SUN3: variants seen among roughly 807,000 people sequenced by gnomAD.
SUN3 encodes the protein Sad1 and UNC84 domain containing 3, also known as SUN domain-containing protein 3.
SUN3 carries 36 observed loss-of-function variants against 48.2 expected under a neutral mutation model. The observed-to-expected ratio is 0.75, with a 90% CI of 0.57 to 0.99. The LOEUF (loss-of-function observed/expected upper bound fraction) is 0.99, where lower values mean the gene tolerates loss of function less well. Among genes scored for constraint, SUN3 ranks in the 50% least tolerant of loss-of-function variants. The pLI, the probability that SUN3 is intolerant of heterozygous loss-of-function variation, is 0.00. For synonymous variants in SUN3, 148 were observed against 147.9 expected, an observed-to-expected ratio of 1.00 and a Z score of 0.00; for missense variants, 419 against 433.1, an observed-to-expected ratio of 0.97 and a Z score of 0.29.
intron 2 of SUN3, among the ~76,000 whole-genome samples, chr7:48,023,614 A>C (rs1188669737): frequency 6.6e-6 from 1 of 152,206 alleles, no homozygotes; most frequent in Non-Finnish European, 1.5e-5. Context: ...AAATGGATTA[A>C]ACTTTCCAAT....
chr7:48,028,972 T>C lies in SUN3; in HGVS notation c.-34A>G. ...ACCAAAGAACAAACAGCTGGTAGGATGAAGAGCAACATTTGTCCTCATTCC... is the reference window on the plus strand; with the variant it reads ...ACCAAAGAACAAACAGCTGGTAGGACGAAGAGCAACATTTGTCCTCATTCC... On this transcript the variant is annotated 5_prime_UTR_variant, in exon 1 of 10. Transcript: ENST00000297325. 1 of 1,613,154 alleles carries C rather than the reference T, an allele frequency of 6.2e-7. No individual in the cohort carries two copies. The highest frequency in any genetic ancestry group is 8.5e-7 in the Non-Finnish European group (1 of 1,179,566).
At chr7:47,993,093 T>A (rs527489368) in intron 8 of SUN3, among the ~76,000 whole-genome samples, 1 of 151,578 alleles carries the variant, frequency 6.6e-6, no homozygotes, top group African/African-American at 2.4e-5. Flanking sequence ...AAAAAAAAAA[T>A]GTAAAGCAAT....
At chr7:47,989,174 T>C (rs10279520) in intron 8 of SUN3, among the ~76,000 whole-genome samples, 7,242 of 152,306 alleles carry the variant, frequency 0.048, 578 homozygotes, top group African/African-American at 0.16. Flanking sequence ...GATAGATGAT[T>C]GACAAACAGC....
chr7:47,989,754 T>G (rs1443331402), intron 8 of SUN3, among the ~76,000 whole-genome samples: 1 of 152,246 alleles, frequency 6.6e-6, no homozygotes, highest in East Asian at 1.9e-4. Context: ...CATTTTGTTC[T>G]GTACTAAGAA....
Position 47,994,355 on chromosome 7 carries a change from G to C in SUN3, c.821C>G (p.Ser274Ter). The C allele has an allele frequency of 1.9e-6, 3 of 1,613,652 alleles. No homozygotes were observed. The highest frequency in any genetic ancestry group is 2.5e-6 in the Non-Finnish European group (3 of 1,179,886). The change falls in exon 8 of 10, where the codon TCA becomes TGA. Residue 274 changes from serine to a stop codon, truncating the protein, a stop_gained. Coordinates refer to ENST00000297325, the MANE Select transcript of SUN3 (RefSeq NM_001030019.2). LOFTEE classifies it high-confidence loss of function. ...CTTGGGTGCACTGGAGATGTTTCCT[G>C]ACGGAGACACCTTCTCTGAGATGTG... is the stretch of plus-strand genomic sequence containing the variant. ...MEHISEKVSPSGNISSAPKEF... is the reference protein window; with the variant it reads ...MEHISEKVSP
At chr7:48,013,177 T>A (rs1250515218) in intron 3 of SUN3, among the ~76,000 whole-genome samples, 1 of 152,162 alleles carries the variant, frequency 6.6e-6, no homozygotes, top group Non-Finnish European at 1.5e-5. Context: ...AAAATCTGGA[T>A]CCTCAGGGAG....
intron 8 of SUN3, among the ~76,000 whole-genome samples, chr7:47,990,317 G>A (rs1583738868): frequency 6.6e-6 from 1 of 152,168 alleles, no homozygotes; most frequent in South Asian, 2.1e-4. Flanking sequence ...TTATGTATAT[G>A]CACATCAAAA....
intron 2 of SUN3, among the ~76,000 whole-genome samples, chr7:48,024,015 T>G (rs942976055): frequency 6.6e-6 from 1 of 152,194 alleles, no homozygotes; most frequent in Non-Finnish European, 1.5e-5. Context: ...TTAGCAAATA[T>G]TACTTTGGCT....
intron 6 of SUN3, among the ~76,000 whole-genome samples, chr7:47,996,923 T>TC (rs1209651214): frequency 6.6e-6 from 1 of 150,786 alleles, no homozygotes. Context: ...TGCCTCAGCC[T>TC]CCCAAGTAGC....
At chr7:48,006,171 A>G (rs1224616561) in intron 5 of SUN3, 118 bp from the exon 6 acceptor site, 2 of 663,564 alleles carry the variant, frequency 3.0e-6, no homozygotes, top group East Asian at 2.7e-5. Flanking sequence ...GTGAGCCCCT[A>G]TCAGCTGCAC....
intron 3 of SUN3, among the ~76,000 whole-genome samples, chr7:48,016,976 G>T (rs1456469871): frequency 6.6e-6 from 1 of 152,128 alleles, no homozygotes; most frequent in Non-Finnish European, 1.5e-5. Flanking sequence ...CTCTTCAGGT[G>T]ACTATCCCAC....
chr7:47,997,842 G>A (rs118079558), intron 6 of SUN3, among the ~76,000 whole-genome samples: 2 of 152,288 alleles, frequency 1.3e-5, no homozygotes, highest in East Asian at 3.9e-4. Flanking sequence ...GTCACAGTAT[G>A]TAGCCTTTTC....
At chr7:48,022,905 G>A (rs919358965) in intron 2 of SUN3, among the ~76,000 whole-genome samples, 4 of 151,988 alleles carry the variant, frequency 2.6e-5, no homozygotes, top group Non-Finnish European at 5.9e-5. Context: ...TTCTATATAT[G>A]AGAAAACGAT....
At chr7:48,034,898 G>A in the SUN3 span, among the ~76,000 whole-genome samples, 1 of 151,788 alleles carries the variant, frequency 6.6e-6, no homozygotes, top group African/African-American at 2.4e-5. Flanking sequence ...TAAGATATAA[G>A]GAAGAATGTT....
intron 3 of SUN3, among the ~76,000 whole-genome samples, chr7:48,011,855 A>C (rs2128778675): frequency 6.6e-6 from 1 of 152,354 alleles, no homozygotes; most frequent in Middle Eastern, 3.4e-3. Context: ...TAATGCGAGA[A>C]GGATGAAGTT....
chr7:48,028,479 C>CAAA (rs55997019), intron 1 of SUN3, among the ~76,000 whole-genome samples: 4 of 45,258 alleles, frequency 8.8e-5, no homozygotes, highest in African/African-American at 3.4e-4. Context: ...AGCCCAATGA[C>CAAA]AAAAAAAAAA....
intron 2 of SUN3, among the ~76,000 whole-genome samples, chr7:48,024,577 T>C (rs1407436160): frequency 2.6e-5 from 4 of 152,126 alleles, no homozygotes; most frequent in Non-Finnish European, 5.9e-5. Flanking sequence ...TAAAGGAATA[T>C]CTGAGGTTGG....
intron 6 of SUN3, among the ~76,000 whole-genome samples, chr7:48,002,151 CTTTTTTTTTTTTT>C (rs71006541): frequency 3.1e-5 from 2 of 64,136 alleles, no homozygotes; most frequent in South Asian, 7.0e-4. Context: ...TTGCATTTCT[CTTTTTTTTTTTTT>C]TTTTTTTTTT....
intron 6 of SUN3, among the ~76,000 whole-genome samples, chr7:47,997,077 G>T (rs1169243267): frequency 6.6e-6 from 1 of 152,096 alleles, no homozygotes; most frequent in African/African-American, 2.4e-5. Context: ...TGGGATTACA[G>T]GCGTGAGCCA....
Sources: allele counts gnomAD v4.1 joint callset (sites outside exome capture counted in the v4.1 genomes callset), GRCh38; gene constraint gnomAD v4.1.1; transcripts MANE v1.5; gene names NCBI Gene and HGNC (gene_info 2026-07-23, HGNC 2026-07-21).